ASXL3: variants seen among roughly 807,000 people sequenced by gnomAD.
The protein encoded by ASXL3 is ASXL transcriptional regulator 3, also known as putative Polycomb group protein ASXL3.
A neutral mutation model predicts 170.6 loss-of-function variants in ASXL3; 34 were observed. The observed-to-expected ratio is 0.20, with a 90% CI of 0.15 to 0.27. ASXL3 has a LOEUF of 0.27. Among genes scored for constraint, ASXL3 ranks in the 10% least tolerant of loss-of-function variants. The pLI is 1.00. For missense variants in ASXL3, 2,592 were observed against 2,695.3 expected, an observed-to-expected ratio of 0.96 and a Z score of 0.85; for synonymous variants, 1,002 against 989.1, an observed-to-expected ratio of 1.01 and a Z score of -0.24.
intron 1 of ASXL3, among the ~76,000 whole-genome samples, chr18:33,581,095 T>C (rs2064987749): frequency 6.6e-6 from 1 of 152,176 alleles, no homozygotes; most frequent in Admixed American, 6.5e-5. Context: ...TCTTTATGAT[T>C]ACGTGAATAC....
rs1453309668 is a variant in ASXL3 at position 33,713,273 on chromosome 18, T to C, written c.880-18695T>C. ...GTTTTTTTTTTTTTTTTTTTTTTTT[T>C]TGAGACAGGGTCTTACCGTCACCCA... On this transcript the variant is annotated intron_variant, in intron 8 of 11. Coordinates refer to ENST00000269197, the MANE Select transcript of ASXL3 (RefSeq NM_030632.3). 2.6e-3 allele frequency among the ~76,000 whole-genome samples: 304 copies of C among 119,046 alleles called. 9 individuals are homozygous for C. Among genetic ancestry groups the C allele is most frequent in the Non-Finnish European group, 4.0e-3 (232 of 58,276 alleles). 78.1% of individuals were successfully genotyped at this position (119,046 alleles called of 152,430 possible). A position where few individuals can be genotyped will look rare whatever the true frequency, so the allele number is the denominator to read the frequency against.
chr18:33,742,657 CA>C (rs1169132982), intron 11 of ASXL3, among the ~76,000 whole-genome samples: 1 of 152,192 alleles, frequency 6.6e-6, no homozygotes, highest in Non-Finnish European at 1.5e-5. Flanking sequence ...AATGAAGTTA[CA>C]ATGGATGTTT....
chr18:33,682,318 T>C (rs954064473), intron 7 of ASXL3, among the ~76,000 whole-genome samples: 4 of 152,220 alleles, frequency 2.6e-5, no homozygotes, highest in Non-Finnish European at 4.4e-5. Flanking sequence ...ACATACTCTT[T>C]ATATAAAATC....
rs2067872341 is a variant in ASXL3 at position 33,750,765 on chromosome 18, A to G, written c.*4170A>G. 1 of 152,240 alleles carries G rather than the reference A, an allele frequency of 6.6e-6. No homozygotes were observed. Among genetic ancestry groups the G allele is most frequent in the African/African-American group, 2.4e-5 (1 of 41,470 alleles). The allele number at this position is 152,240 out of a possible 1,614,324, so 9.4% of individuals were successfully genotyped here. ...AGACATTTTATATCAGCATACAGAA[A>G]AGTAAAATCCTCCTTCAGTCCTCTA... On this transcript the variant is annotated 3_prime_UTR_variant, in exon 12 of 12. Coordinates refer to ENST00000269197, the MANE Select transcript of ASXL3 (RefSeq NM_030632.3).
At position 33,739,269 on chromosome 18, in the gene ASXL3, G is replaced by A; in HGVS notation, c.1865G>A (p.Cys622Tyr). Residue 622 changes from cysteine (C) to tyrosine (Y), a missense_variant, in exon 11 of 12, where the codon TGT becomes TAT. By Grantham distance (194) the Cys-to-Tyr change is radical. Coordinates refer to ENST00000269197, the MANE Select transcript of ASXL3 (RefSeq NM_030632.3). The part of the protein sequence containing the change: ...SFSSESPEGA[C>Y]TSLPSPGGET... ...TCTTCTGAGAGCCCAGAGGGAGCCTGTACCAGCCTGCCTTCTCCAGGAGGG... is the reference window on the plus strand; with the variant it reads ...TCTTCTGAGAGCCCAGAGGGAGCCTATACCAGCCTGCCTTCTCCAGGAGGG... 3 of 1,613,728 alleles carry A rather than the reference G, an allele frequency of 1.9e-6. No homozygotes were observed. Among genetic ancestry groups the A allele is most frequent in the Non-Finnish European group, 1.7e-6 (2 of 1,179,782 alleles).
rs372707880 is a variant in ASXL3, at chr18:33,743,100, T to C, written c.3252T>C (p.Ser1084=). The C allele has an allele frequency of 8.7e-6, 14 of 1,613,634 alleles. No individual in the cohort carries two copies. Among genetic ancestry groups the C allele is most frequent in the Non-Finnish European group, 1.1e-5 (13 of 1,179,808 alleles). The change falls in exon 12 of 12, where the codon TCT becomes TCC. Residue 1084 remains serine, a synonymous_variant. Coordinates refer to ENST00000269197, the MANE Select transcript of ASXL3 (RefSeq NM_030632.3). ...TGGCTGCTGCAGCGAGCATTGTCTC[T>C]GGAGCCATGGGAAGTCCAGGAGAGG... The part of the protein sequence containing the change: ...AAVAAAASIV[S]GAMGSPGEGG...
intron 10 of ASXL3, 99 bp from the exon 11 acceptor site, chr18:33,738,388 A>T: frequency 8.6e-7 from 1 of 1,163,472 alleles, no homozygotes. Flanking sequence ...ATGTAATTTG[A>T]TGCATTTACT....
intron 11 of ASXL3, among the ~76,000 whole-genome samples, chr18:33,742,507 C>CCACT (rs1290359003): frequency 1.3e-5 from 2 of 152,052 alleles, no homozygotes; most frequent in African/African-American, 4.8e-5. Context: ...AGTTGAAGTT[C>CCACT]CACTTTTTTA....
At chr18:33,706,454 A>G (rs1323453491) in intron 8 of ASXL3, among the ~76,000 whole-genome samples, 3 of 151,836 alleles carry the variant, frequency 2.0e-5, no homozygotes, top group African/African-American at 4.8e-5. Context: ...TCTCAAAATA[A>G]TTACACCAGT....
At chr18:33,714,091 A>G (rs1237756229) in intron 8 of ASXL3, among the ~76,000 whole-genome samples, 1 of 152,164 alleles carries the variant, frequency 6.6e-6, no homozygotes, top group African/African-American at 2.4e-5. Context: ...TTTGCCCACA[A>G]AAGGCCAGCA....
At chr18:33,648,728 G>A (rs1044223703) in intron 4 of ASXL3, among the ~76,000 whole-genome samples, 2 of 152,026 alleles carry the variant, frequency 1.3e-5, no homozygotes, top group Admixed American at 6.6e-5. Flanking sequence ...GAGCTCAGGG[G>A]CACTTGAATT....
At chr18:33,682,656 C>T (rs982301330) in intron 7 of ASXL3, among the ~76,000 whole-genome samples, 2 of 152,086 alleles carry the variant, frequency 1.3e-5, no homozygotes, top group African/African-American at 4.8e-5. Context: ...AAGTGATCGT[C>T]CCACCTCAGA....
At chr18:33,700,746 A>G (rs978950050) in intron 8 of ASXL3, among the ~76,000 whole-genome samples, 15 of 152,230 alleles carry the variant, frequency 9.9e-5, no homozygotes. Context: ...ACCATCCACT[A>G]TAGATTGAGC....
At chr18:33,590,351 T>C (rs1352391972) in intron 1 of ASXL3, among the ~76,000 whole-genome samples, 2 of 152,108 alleles carry the variant, frequency 1.3e-5, no homozygotes, top group Non-Finnish European at 2.9e-5. Context: ...TTGGCTGATA[T>C]GCCCATTCCT....
At chr18:33,645,345 C>T (rs2065902060) in intron 3 of ASXL3, among the ~76,000 whole-genome samples, 1 of 151,798 alleles carries the variant, frequency 6.6e-6, no homozygotes, top group Non-Finnish European at 1.5e-5. Flanking sequence ...TAATGACCGT[C>T]AGTTGATATA....
chr18:33,630,614 A>G (rs1037642293), intron 2 of ASXL3, among the ~76,000 whole-genome samples: 4 of 152,010 alleles, frequency 2.6e-5, no homozygotes, highest in African/African-American at 4.8e-5. Context: ...TTCCTTTATC[A>G]AACATTTAAA....
At chr18:33,674,363 A>T (rs1191319223) in intron 7 of ASXL3, among the ~76,000 whole-genome samples, 1 of 152,210 alleles carries the variant, frequency 6.6e-6, no homozygotes, top group Non-Finnish European at 1.5e-5. Flanking sequence ...TGTATCAAAC[A>T]CAAGGAGGAA....
intron 10 of ASXL3, among the ~76,000 whole-genome samples, chr18:33,736,205 C>T (rs9959347): frequency 0.48 from 72,611 of 151,846 alleles, 17,996 homozygotes; most frequent in East Asian, 0.84. Flanking sequence ...TTGCATGAAA[C>T]TTAGGGGCTT....
At chr18:33,706,976 G>T (rs2066970957) in intron 8 of ASXL3, among the ~76,000 whole-genome samples, 2 of 151,736 alleles carry the variant, frequency 1.3e-5, no homozygotes, top group South Asian at 4.1e-4. Flanking sequence ...ATATCCAGTT[G>T]ACCAAACATA....
Sources: allele counts gnomAD v4.1 joint callset (sites outside exome capture counted in the v4.1 genomes callset), GRCh38; gene constraint gnomAD v4.1.1; transcripts MANE v1.5; gene names NCBI Gene and HGNC (gene_info 2026-07-23, HGNC 2026-07-21).